Variants in SMYD3 observed in about 807,000 individuals in gnomAD.
SMYD3 encodes histone-lysine N-methyltransferase SMYD3.
Under a neutral mutation model 57.7 loss-of-function variants are expected in SMYD3, and 36 were observed. The observed-to-expected ratio is 0.62, with a 90% confidence interval of 0.48 to 0.82. The LOEUF (loss-of-function observed/expected upper bound fraction) is 0.82. SMYD3 is among the 40% of genes least tolerant of loss of function. SMYD3 has a pLI of 0.00. For synonymous variants in SMYD3, 211 were observed against 195.0 expected (o/e 1.08, Z -0.68); for missense variants, 515 against 538.8 (o/e 0.96, Z 0.44).
At chr1:246,051,850 A>C (rs910721316) in intron 5 of SMYD3, among the ~76,000 whole-genome samples, 1 of 152,228 alleles carries the variant, frequency 6.6e-6, no homozygotes, top group African/African-American at 2.4e-5. Flanking sequence ...CTTACAAAAA[A>C]AGTGAGCAAA....
chr1:246,188,652 C>T (rs2062684194), intron 5 of SMYD3, among the ~76,000 whole-genome samples: 1 of 151,618 alleles, frequency 6.6e-6, no homozygotes, highest in Non-Finnish European at 1.5e-5. Context: ...TAGGCCTACC[C>T]ATAATATGCT....
intron 10 of SMYD3, among the ~76,000 whole-genome samples, chr1:245,790,116 A>C (rs6656630): frequency 0.024 from 3,689 of 152,302 alleles, 153 homozygotes; most frequent in African/African-American, 0.083. Flanking sequence ...AGGCTTCAAA[A>C]GGGACCTACA....
chr1:246,506,400 G>C (rs539685357), intron 1 of SMYD3, among the ~76,000 whole-genome samples: 2 of 152,244 alleles, frequency 1.3e-5, no homozygotes, highest in East Asian at 1.9e-4. Flanking sequence ...CAGCACACGG[G>C]GGACCCGTGT....
chr1:246,458,255 G>C (rs1184927880), intron 1 of SMYD3, among the ~76,000 whole-genome samples: 1 of 151,976 alleles, frequency 6.6e-6, no homozygotes. Context: ...AAGGTCAAAA[G>C]GCAAAGTATT....
intron 5 of SMYD3, among the ~76,000 whole-genome samples, chr1:246,134,147 C>T (rs1159553931): frequency 6.6e-6 from 1 of 152,124 alleles, no homozygotes; most frequent in Admixed American, 6.5e-5. Flanking sequence ...CTCACTTTGT[C>T]ACCTGCTGTA....
At chr1:246,466,238 G>A (rs1281488097) in intron 1 of SMYD3, among the ~76,000 whole-genome samples, 2 of 152,216 alleles carry the variant, frequency 1.3e-5, no homozygotes, top group Non-Finnish European at 2.9e-5. Context: ...ACATGCACAT[G>A]TATATTTACT....
intron 5 of SMYD3, among the ~76,000 whole-genome samples, chr1:246,108,422 C>A (rs36004866): frequency 6.6e-6 from 1 of 152,070 alleles, no homozygotes. Flanking sequence ...CACCCTCACA[C>A]AATTAATGTT....
At chr1:246,176,835 T>A (rs1401198318) in intron 5 of SMYD3, among the ~76,000 whole-genome samples, 3 of 152,198 alleles carry the variant, frequency 2.0e-5, no homozygotes, top group African/African-American at 7.2e-5. Context: ...ACTGGCCGTT[T>A]GTTAATGGCA....
At chr1:246,349,666 G>A (rs2065789771) in intron 2 of SMYD3, among the ~76,000 whole-genome samples, 1 of 152,048 alleles carries the variant, frequency 6.6e-6, no homozygotes, top group Non-Finnish European at 1.5e-5. Flanking sequence ...TTATTCTAAG[G>A]TACTCATTCT....
intron 5 of SMYD3, among the ~76,000 whole-genome samples, chr1:246,036,040 A>G (rs1195805081): frequency 6.6e-6 from 1 of 152,228 alleles, no homozygotes; most frequent in Non-Finnish European, 1.5e-5. Context: ...GGAGCATTTA[A>G]AAAATATACA....
At chr1:245,841,976 T>C (rs1309174437) in intron 10 of SMYD3, among the ~76,000 whole-genome samples, 2 of 152,196 alleles carry the variant, frequency 1.3e-5, no homozygotes, top group African/African-American at 4.8e-5. Flanking sequence ...CCCTATTTTT[T>C]CTATGTTTAC....
At chr1:246,147,964 CT>C (rs574619683) in intron 5 of SMYD3, among the ~76,000 whole-genome samples, 4 of 152,264 alleles carry the variant, frequency 2.6e-5, no homozygotes, top group Non-Finnish European at 1.5e-5. Context: ...TTCCCAGCCC[CT>C]CTCCTCTCCA....
chr1:245,886,020 G>A (rs965352906), intron 8 of SMYD3, among the ~76,000 whole-genome samples: 5 of 152,100 alleles, frequency 3.3e-5, no homozygotes, highest in Admixed American at 2.0e-4. Context: ...TTAATTGGCT[G>A]CTACTTTATG....
At chr1:245,821,028 A>C (rs1227550875) in intron 10 of SMYD3, among the ~76,000 whole-genome samples, 1 of 151,080 alleles carries the variant, frequency 6.6e-6, no homozygotes, top group East Asian at 2.0e-4. Flanking sequence ...CTTTCTTCAC[A>C]GAATTGGAAA....
At chr1:245,817,724 C>G (rs1485202048) in intron 10 of SMYD3, among the ~76,000 whole-genome samples, 1 of 151,900 alleles carries the variant, frequency 6.6e-6, no homozygotes, top group African/African-American at 2.4e-5. Context: ...AGCTGAAAAC[C>G]AAGGCTCGAG....
intron 5 of SMYD3, among the ~76,000 whole-genome samples, chr1:246,144,900 G>T (rs1426917838): frequency 6.6e-6 from 1 of 152,146 alleles, no homozygotes; most frequent in African/African-American, 2.4e-5. Flanking sequence ...GCACGAATCG[G>T]GTTTCCCGGA....
chr1:246,217,891 T>C (rs901737241), intron 5 of SMYD3, among the ~76,000 whole-genome samples: 1 of 152,130 alleles, frequency 6.6e-6, no homozygotes, highest in African/African-American at 2.4e-5. Flanking sequence ...GAAGTTGCAA[T>C]AAGCATACTC....
chr1:245,767,986 A>G (rs917060488), intron 10 of SMYD3, among the ~76,000 whole-genome samples: 1 of 152,230 alleles, frequency 6.6e-6, no homozygotes, highest in African/African-American at 2.4e-5. Context: ...AGGACTTGGT[A>G]CAAGAAAGGT....
chr1:245,823,390 T>C (rs1274799764), intron 10 of SMYD3, among the ~76,000 whole-genome samples: 2 of 152,152 alleles, frequency 1.3e-5, no homozygotes, highest in East Asian at 1.9e-4. Flanking sequence ...GCTCCAGGCA[T>C]CCGTCCCTGG....
Sources: allele counts gnomAD v4.1 joint callset (sites outside exome capture counted in the v4.1 genomes callset), GRCh38; gene constraint gnomAD v4.1.1; transcripts MANE v1.5; gene names NCBI Gene and HGNC (gene_info 2026-07-23, HGNC 2026-07-21).